Variants in ADGRB1 observed in about 807,000 individuals in gnomAD.
ADGRB1 encodes the protein adhesion G protein-coupled receptor B1, also known as brain-specific angiogenesis inhibitor 1.
Under a neutral mutation model 175.7 loss-of-function variants are expected in ADGRB1, and 36 were observed. The ratio of observed to expected loss-of-function variants is 0.20; its 90% CI spans 0.16 to 0.27. The LOEUF (loss-of-function observed/expected upper bound fraction) is 0.27, where lower values mean the gene tolerates loss of function less well. Among genes scored for constraint, ADGRB1 ranks in the 10% least tolerant of loss-of-function variants. The pLI, the probability that ADGRB1 is intolerant of heterozygous loss-of-function variation, is 1.00. For missense variants in ADGRB1, 1,731 were observed against 2,255.3 expected (o/e 0.77, Z 4.71); for synonymous variants, 1,054 against 979.4 (o/e 1.08, Z -1.42).
At position 142,492,500 on chromosome 8, in the gene ADGRB1, G is replaced by C. The variant is rs116360523; in HGVS notation, c.2675+1685G>C. 5.2e-3 allele frequency among the ~76,000 whole-genome samples: 794 copies of C among 152,302 alleles called. 6 individuals are homozygous for C. The highest frequency in any genetic ancestry group is 0.017 in the African/African-American group (722 of 41,566). ...CGCCTCCGAGGGAAGGGGAGGTTTC[G>C]GCAGAGGCCTGGCAAGCACAGCTCT... is the stretch of plus-strand genomic sequence containing the variant. On this transcript the variant is annotated intron_variant, in intron 17 of 30. Coordinates refer to ENST00000517894, the MANE Select transcript of ADGRB1 (RefSeq NM_001702.3). This position sits in a 1 kb window ranked among gnomAD's most constrained non-coding sequence, Gnocchi z 4.4.
chr8:142,467,021 G>C (rs1048412048), intron 2 of ADGRB1, among the ~76,000 whole-genome samples: 1 of 152,238 alleles, frequency 6.6e-6, no homozygotes, highest in Non-Finnish European at 1.5e-5. Context: ...ATTCCTAATA[G>C]TGCTCGGAAC....
In ADGRB1 at chr8:142,543,790, TCATCCATCCATC is replaced by T. The variant is rs374003039; in HGVS notation, c.4557+98_4557+109del. 1.8e-5 allele frequency: 23 copies of T among 1,248,214 alleles called. No individual in the cohort carries two copies. The highest frequency in any genetic ancestry group is 2.6e-5 in the South Asian group (2 of 77,446). 77.3% of individuals were successfully genotyped at this position (1,248,214 alleles called of 1,614,324 possible). On this transcript the variant is annotated intron_variant, in intron 30 of 30. Coordinates refer to ENST00000517894, the MANE Select transcript of ADGRB1 (RefSeq NM_001702.3). The surrounding 1 kb of genome is among the most constrained non-coding windows in gnomAD (Gnocchi z 4.4). ...CCCTTCTTCCCTGGATTTGTGCACT[TCATCCATCCATC>T]CATCCATCCATCCATTCGTTCATTC...
At position 142,504,111 on chromosome 8, in the gene ADGRB1, G is replaced by A. The variant is rs538382867; in HGVS notation, c.2676-6821G>A. Among the ~76,000 whole-genome samples the A allele has an allele frequency of 2.6e-5, 4 of 152,196 alleles. No individual in the cohort carries two copies. Among genetic ancestry groups the A allele is most frequent in the African/African-American group, 4.8e-5 (2 of 41,454 alleles). On this transcript the variant is annotated intron_variant, in intron 17 of 30. Transcript: ENST00000517894. The surrounding 1 kb of genome is among the most constrained non-coding windows in gnomAD (Gnocchi z 5.6). ...AATGCCAAGGTCGATGGGTCACAGC[G>A]ACCAGGATCTCCTCAGGACCCCAGG... is the stretch of plus-strand genomic sequence containing the variant.
chr8:142,496,583 A>G (rs753605695), intron 17 of ADGRB1, among the ~76,000 whole-genome samples: 5 of 152,204 alleles, frequency 3.3e-5, no homozygotes, highest in Admixed American at 6.5e-5. Flanking sequence ...AGAGTTGCAA[A>G]TATCTTTCAG....
intron 18 of ADGRB1, among the ~76,000 whole-genome samples, chr8:142,512,755 A>T (rs1397296287): frequency 1.3e-5 from 2 of 152,228 alleles, no homozygotes; most frequent in African/African-American, 4.8e-5. Context: ...GGCAGTCCCC[A>T]GGCGGTGGCA....
At chr8:142,538,841 G>A (rs148870719) in intron 26 of ADGRB1, among the ~76,000 whole-genome samples, 55 of 152,324 alleles carry the variant, frequency 3.6e-4, no homozygotes, top group African/African-American at 1.2e-3. Flanking sequence ...GGGATGTGGG[G>A]GACCAAGGGG....
At chr8:142,536,742 T>G (rs1254700539) in intron 25 of ADGRB1, among the ~76,000 whole-genome samples, 2 of 151,594 alleles carry the variant, frequency 1.3e-5, no homozygotes, top group African/African-American at 4.9e-5. Context: ...GGCTGGGAGC[T>G]TGGTAGAGAG....
intron 1 of ADGRB1, among the ~76,000 whole-genome samples, chr8:142,452,519 G>A (rs922098398): frequency 2.6e-5 from 4 of 151,834 alleles, no homozygotes; most frequent in Non-Finnish European, 4.4e-5. Context: ...CTCGGACCTC[G>A]GTGGCCGCGT....
At chr8:142,518,873 G>C (rs964542782) in intron 19 of ADGRB1, among the ~76,000 whole-genome samples, 1 of 152,272 alleles carries the variant, frequency 6.6e-6, no homozygotes, top group African/African-American at 2.4e-5. Context: ...ATGGGGCCGA[G>C]TGGGGACTCC....
At chr8:142,514,852 G>A (rs572238432) in intron 18 of ADGRB1, among the ~76,000 whole-genome samples, 5 of 152,186 alleles carry the variant, frequency 3.3e-5, no homozygotes, top group African/African-American at 1.2e-4. Context: ...TGGGTCAGGG[G>A]TCAGAGTATG....
chr8:142,542,710 AC>A lies in ADGRB1; in HGVS notation c.4413+67del. On this transcript the variant is annotated intron_variant, in intron 28 of 30. Coordinates refer to ENST00000517894, the MANE Select transcript of ADGRB1 (RefSeq NM_001702.3). This position sits in a 1 kb window ranked among gnomAD's most constrained non-coding sequence, Gnocchi z 6.3. ...AGGGCAGGGCTGCAGCAGCTGGGTC[AC>A]CCCTGCTGGGTGGGACCCCCACGCC... 1 of 1,409,310 alleles carries A rather than the reference AC, an allele frequency of 7.1e-7. No individual in the cohort carries two copies. 87.3% of individuals were successfully genotyped at this position (1,409,310 alleles called of 1,614,324 possible).
intron 2 of ADGRB1, among the ~76,000 whole-genome samples, chr8:142,468,610 G>A (rs928409433): frequency 6.6e-6 from 1 of 152,204 alleles, no homozygotes; most frequent in East Asian, 1.9e-4. Context: ...ACGGGAGATA[G>A]GCTCCTGTGG....
At chr8:142,528,502 CAGG>C (rs1226573162) in intron 24 of ADGRB1, among the ~76,000 whole-genome samples, 2 of 152,194 alleles carry the variant, frequency 1.3e-5, no homozygotes, top group Non-Finnish European at 2.9e-5. Flanking sequence ...TTTCCGAGAG[CAGG>C]GCGCTTGCTT....
intron 17 of ADGRB1, among the ~76,000 whole-genome samples, chr8:142,491,525 A>C (rs2131889334): frequency 6.6e-6 from 1 of 152,352 alleles, no homozygotes; most frequent in East Asian, 1.9e-4. Context: ...CCAAAGTGCC[A>C]GCGCCCAGGG....
intron 24 of ADGRB1, among the ~76,000 whole-genome samples, chr8:142,527,453 G>A (rs1020012913): frequency 6.6e-6 from 1 of 152,162 alleles, no homozygotes; most frequent in Non-Finnish European, 1.5e-5. Flanking sequence ...GTGAACAGAC[G>A]CTTTCAGGAA....
intron 18 of ADGRB1, among the ~76,000 whole-genome samples, chr8:142,516,488 C>CGT (rs1369377034): frequency 8.5e-6 from 1 of 117,968 alleles, no homozygotes; most frequent in Non-Finnish European, 1.7e-5. Flanking sequence ...TGTGCGCGCG[C>CGT]GTGTGTGCGG....
intron 17 of ADGRB1, among the ~76,000 whole-genome samples, chr8:142,495,388 TG>T (rs1274775392): frequency 6.6e-6 from 1 of 151,928 alleles, no homozygotes; most frequent in Non-Finnish European, 1.5e-5. Context: ...GGAAAGAAGA[TG>T]GAAGGTGTCT....
intron 19 of ADGRB1, among the ~76,000 whole-genome samples, chr8:142,520,028 G>GTGGTGGTGGTGATGGAGTGATGA (rs1843690063): frequency 2.3e-5 from 2 of 87,334 alleles, no homozygotes; most frequent in African/African-American, 8.5e-5. Flanking sequence ...GATGGTGGTG[G>GTGGTGGTGGTGATGGAGTGATGA]TGGTGATGGT....
intron 24 of ADGRB1, among the ~76,000 whole-genome samples, chr8:142,531,854 T>C (rs926864252): frequency 1.3e-5 from 2 of 152,146 alleles, no homozygotes; most frequent in Non-Finnish European, 2.9e-5. Flanking sequence ...CATGGCTGGC[T>C]GTGCCTGCTG....
Sources: gnomAD v4.1 joint callset for allele counts (sites outside exome capture counted in the v4.1 genomes callset) on GRCh38, gnomAD v4.1.1 for gene constraint, Gnocchi (gnomAD v3.1) non-coding constraint, MANE v1.5 for transcripts, NCBI Gene and HGNC (gene_info 2026-07-23, HGNC 2026-07-21) for gene names.